The following ARHGEF11 variants were observed in gnomAD, a reference collection of about 807,000 sequenced individuals.
ARHGEF11 encodes the protein Rho guanine nucleotide exchange factor 11.
ARHGEF11 carries 55 observed loss-of-function variants against 193.7 expected under a neutral mutation model. The observed-to-expected ratio is 0.28, with a 90% CI of 0.23 to 0.36. The LOEUF is 0.36. Ranked by LOEUF, ARHGEF11 falls within the 10% of genes least tolerant of loss-of-function variation. The pLI, the probability that ARHGEF11 is intolerant of heterozygous loss-of-function variation, is 1.00. For missense variants in ARHGEF11, 1,723 were observed against 2,005.6 expected (o/e 0.86, Z 2.69); for synonymous variants, 693 against 768.0 (o/e 0.90, Z 1.62).
At chr1:157,007,567 G>A (rs944405483) in intron 1 of ARHGEF11, among the ~76,000 whole-genome samples, 16 of 152,098 alleles carry the variant, frequency 1.1e-4, no homozygotes, top group African/African-American at 3.4e-4. Context: ...GTTGTGCGGC[G>A]GGGGGAGGAG....
At chr1:157,000,790 G>A (rs1437637657) in intron 1 of ARHGEF11, among the ~76,000 whole-genome samples, 1 of 152,170 alleles carries the variant, frequency 6.6e-6, no homozygotes, top group Non-Finnish European at 1.5e-5. Context: ...CTGTTCTTCA[G>A]CTGAGGTAAC....
At chr1:157,046,410 C>T (rs996535753), upstream of ARHGEF11, among the ~76,000 whole-genome samples, 2 of 151,732 alleles carry the variant, frequency 1.3e-5, no homozygotes, top group East Asian at 2.0e-4. Flanking sequence ...TTGCGTCCAC[C>T]GGCATTACCC....
chr1:156,964,780 C>A (rs531539023), intron 11 of ARHGEF11, among the ~76,000 whole-genome samples: 1 of 152,156 alleles, frequency 6.6e-6, no homozygotes, highest in East Asian at 1.9e-4. Flanking sequence ...TGAGTATCCT[C>A]CTCTCCGAAA....
chr1:156,936,185 A>C, intron 40 of ARHGEF11, 127 bp from the exon 41 acceptor site: 1 of 984,654 alleles, frequency 1.0e-6, no homozygotes, highest in Middle Eastern at 2.0e-4. Flanking sequence ...CAGAAACCCC[A>C]GTTTCTCGTA....
chr1:156,964,321 C>T (rs1661404367), intron 11 of ARHGEF11, among the ~76,000 whole-genome samples: 1 of 152,210 alleles, frequency 6.6e-6, no homozygotes, highest in Non-Finnish European at 1.5e-5. Flanking sequence ...ATTGCATAAA[C>T]TTCTCAGATG....
At position 157,044,786 on chromosome 1, in the gene ARHGEF11, T is replaced by C; in HGVS notation, c.-456A>G. ...GTCCTTCTGTTGGCAAGAGACCCTC[T>C]AGCTCAAAGGGGGAAAGTAATTTTC... On this transcript the variant is annotated 5_prime_UTR_variant, in exon 1 of 41. Transcript: ENST00000368194. 8.3e-6 allele frequency: 3 copies of C among 361,044 alleles called. No homozygotes were observed. The highest frequency in any genetic ancestry group is 1.5e-5 in the Non-Finnish European group (3 of 204,218). 22.4% of individuals were successfully genotyped at this position (361,044 alleles called of 1,614,324 possible).
At chr1:157,034,274 G>A (rs1438873416) in intron 1 of ARHGEF11, among the ~76,000 whole-genome samples, 1 of 152,174 alleles carries the variant, frequency 6.6e-6, no homozygotes, top group Non-Finnish European at 1.5e-5. Flanking sequence ...AGTCTCTTGG[G>A]GGGAAGTTTC....
chr1:156,946,483 T>C (rs1571184411), intron 28 of ARHGEF11, among the ~76,000 whole-genome samples, 179 bp downstream of exon 28: 1 of 152,214 alleles, frequency 6.6e-6, no homozygotes, highest in South Asian at 2.1e-4. Flanking sequence ...TCCAGGATTC[T>C]TTCCAACAAA....
intron 1 of ARHGEF11, among the ~76,000 whole-genome samples, chr1:156,990,619 C>A (rs1025656981): frequency 6.6e-6 from 1 of 152,170 alleles, no homozygotes; most frequent in South Asian, 2.1e-4. Context: ...GTCATCTCAT[C>A]CCTTTTCTGG....
chr1:156,955,407 C>T (rs1320811599), intron 20 of ARHGEF11, among the ~76,000 whole-genome samples: 5 of 152,188 alleles, frequency 3.3e-5, no homozygotes, highest in African/African-American at 9.7e-5. Context: ...TTTCTGTCCA[C>T]AGGGCGATCC....
At chr1:157,034,233 C>A (rs1386308588) in intron 1 of ARHGEF11, among the ~76,000 whole-genome samples, 2 of 152,214 alleles carry the variant, frequency 1.3e-5, no homozygotes, top group South Asian at 2.1e-4. Flanking sequence ...CACCTCCCCC[C>A]AGAACAACAG....
At chr1:156,998,298 G>T (rs779131614) in intron 1 of ARHGEF11, among the ~76,000 whole-genome samples, 7 of 152,178 alleles carry the variant, frequency 4.6e-5, no homozygotes, top group Non-Finnish European at 1.0e-4. Flanking sequence ...GGCTCTATCA[G>T]CATAGGTATT....
In ARHGEF11 at chr1:156,958,766, T is replaced by A; in HGVS notation, c.1478A>T (p.Gln493Leu). The A allele has an allele frequency of 6.2e-7, 1 of 1,614,176 alleles. No individual in the cohort carries two copies. ...PLRERQVAEK[Q>L]LAALGDILSK... is the part of the protein sequence containing the mutation. Reference sequence around the variant, plus strand: ...CAAAATATCTCCAAGGGCAGCCAGCTGCTTCTCAGCCACTTGGCGCTCTCG... The same window carrying A: ...CAAAATATCTCCAAGGGCAGCCAGCAGCTTCTCAGCCACTTGGCGCTCTCG... Residue 493 changes from glutamine (Q) to leucine (L), a missense_variant, in exon 17 of 41, where the codon CAG becomes CTG. Gln to Leu is a moderately radical substitution (Grantham distance 113). Coordinates refer to ENST00000368194, the MANE Select transcript of ARHGEF11 (RefSeq NM_198236.3).
intron 36 of ARHGEF11, 110 bp downstream of exon 36, chr1:156,940,097 A>G (rs1179014822): frequency 1.4e-6 from 2 of 1,421,430 alleles, no homozygotes; most frequent in African/African-American, 2.9e-5. Flanking sequence ...TCTCTCCTCA[A>G]GCACACCAGG....
intron 18 of ARHGEF11, 69 bp downstream of exon 18, chr1:156,957,723 A>G (rs1175362491): frequency 6.6e-7 from 1 of 1,521,000 alleles, no homozygotes; most frequent in Admixed American, 1.7e-5. Context: ...TCAGAAATGG[A>G]AAGCATAGTA....
At chr1:156,984,520 C>T (rs1664652515) in intron 2 of ARHGEF11, 83 bp from the exon 3 acceptor site, 2 of 911,842 alleles carry the variant, frequency 2.2e-6, no homozygotes, top group Non-Finnish European at 3.4e-6. Context: ...AGGGAAGCCC[C>T]AGTGCCTTTC....
rs1412085558 is a variant in ARHGEF11 at position 156,935,361 on chromosome 1, G to A, written c.*639C>T. On this transcript the variant is annotated 3_prime_UTR_variant, in exon 41 of 41. Coordinates refer to ENST00000368194, the MANE Select transcript of ARHGEF11 (RefSeq NM_198236.3). ...CCACTCACAGGGACAGGAACACTCA[G>A]GCCTGGCTCCCGCTTTAGGCTCGAT... is the stretch of plus-strand genomic sequence containing the variant. 6.6e-6 allele frequency: 1 copy of A among 152,198 alleles called. No individual in the cohort carries two copies. Among genetic ancestry groups the A allele is most frequent in the Non-Finnish European group, 1.5e-5 (1 of 68,042 alleles). 9.4% of individuals were successfully genotyped at this position (152,198 alleles called of 1,614,324 possible).
chr1:156,943,886 G>A (rs1310930269), intron 32 of ARHGEF11, 49 bp downstream of exon 32: 3 of 1,570,192 alleles, frequency 1.9e-6, no homozygotes, highest in Non-Finnish European at 2.6e-6. Flanking sequence ...AGCACTTGCT[G>A]GACATGGTCC....
At chr1:156,937,606 T>G (rs1390855583) in intron 38 of ARHGEF11, 110 bp from the exon 39 acceptor site, 15 of 1,209,378 alleles carry the variant, frequency 1.2e-5, no homozygotes, top group Non-Finnish European at 1.7e-5. Flanking sequence ...CAGGCAGTCC[T>G]CTCCAGACAA....
Sources: allele counts gnomAD v4.1 joint callset (sites outside exome capture counted in the v4.1 genomes callset), GRCh38; gene constraint gnomAD v4.1.1; transcripts MANE v1.5; gene names NCBI Gene and HGNC (gene_info 2026-07-23, HGNC 2026-07-21).